KIAA0040: variants seen among roughly 807,000 people sequenced by gnomAD.
The protein encoded by KIAA0040 is uncharacterized protein KIAA0040.
A neutral mutation model predicts 7.2 loss-of-function variants in KIAA0040; 10 were observed. The observed-to-expected ratio is 1.38, with a 90% CI of 0.85 to 2.34. The LOEUF (loss-of-function observed/expected upper bound fraction) is 2.34, where lower values mean the gene tolerates loss of function less well. Ranked by LOEUF, KIAA0040 falls within the 30% of genes most tolerant of loss-of-function variation. The probability of loss-of-function intolerance (pLI) is 0.00; values close to 1 mark genes in which losing one functional copy is unlikely to be tolerated. For synonymous variants in KIAA0040, 49 were observed against 40.1 expected (o/e 1.22, Z -0.84); for missense variants, 89 against 108.2 (o/e 0.82, Z 0.79).
At position 175,174,978 on chromosome 1, in the gene KIAA0040, G is replaced by A. The variant is rs370971068; in HGVS notation, c.-310+2633C>T. On this transcript the variant is annotated intron_variant, in intron 2 of 3. Coordinates refer to ENST00000423313, the MANE Select transcript of KIAA0040 (RefSeq NM_014656.3). ...CCAATGTTTGTGGGTGTGGTAAAGTGTTTAGGTGAAGTTTTGTTTTTGGAG... is the reference window on the plus strand; with the variant it reads ...CCAATGTTTGTGGGTGTGGTAAAGTATTTAGGTGAAGTTTTGTTTTTGGAG... Among the ~76,000 whole-genome samples the A allele has an allele frequency of 5.7e-4, 87 of 152,286 alleles. 1 individual carries two copies. The highest frequency in any genetic ancestry group is 2.0e-3 in the African/African-American group (84 of 41,554).
At chr1:175,179,316 A>T (rs575939898) in intron 1 of KIAA0040, among the ~76,000 whole-genome samples, 17 of 152,124 alleles carry the variant, frequency 1.1e-4, no homozygotes, top group Non-Finnish European at 2.4e-4. Flanking sequence ...TTCAGTGGCC[A>T]CATTCTTTTA....
intron 1 of KIAA0040, among the ~76,000 whole-genome samples, chr1:175,187,663 T>C (rs1281445641): frequency 6.6e-6 from 1 of 152,178 alleles, no homozygotes; most frequent in Admixed American, 6.5e-5. Context: ...TACTATTCTG[T>C]TCCCATAACA....
intron 2 of KIAA0040, among the ~76,000 whole-genome samples, chr1:175,173,193 A>G (rs550258542): frequency 2.6e-5 from 4 of 152,048 alleles, no homozygotes; most frequent in Admixed American, 1.3e-4. Flanking sequence ...ATCACTATCA[A>G]TTTTCTCCTC....
chr1:175,177,835 C>T (rs916030995), intron 1 of KIAA0040, among the ~76,000 whole-genome samples, 151 bp from the exon 2 acceptor site: 1 of 152,196 alleles, frequency 6.6e-6, no homozygotes, highest in African/African-American at 2.4e-5. Context: ...ATTAAACCAA[C>T]AACTGGAAGT....
Position 175,160,654 on chromosome 1 carries a change from C to A in KIAA0040, c.*60G>T. On this transcript the variant is annotated 3_prime_UTR_variant, in exon 4 of 4. Transcript: ENST00000423313. Reference sequence around the variant, plus strand: ...ATTATTTCAGGGGTTCCTGAAATGTCTGTGTGTGGTCAGAAGGAGGCTTAG... The same window carrying A: ...ATTATTTCAGGGGTTCCTGAAATGTATGTGTGTGGTCAGAAGGAGGCTTAG... 7.0e-7 allele frequency: 1 copy of A among 1,432,836 alleles called. No individual in the cohort carries two copies. Among genetic ancestry groups the A allele is most frequent in the Non-Finnish European group, 9.3e-7 (1 of 1,075,034 alleles). The allele number at this position is 1,432,836 out of a possible 1,614,324, so 88.8% of individuals were successfully genotyped here.
chr1:175,188,462 T>C (rs1375859313), intron 1 of KIAA0040, among the ~76,000 whole-genome samples: 4 of 152,182 alleles, frequency 2.6e-5, no homozygotes, highest in Non-Finnish European at 4.4e-5. Context: ...ACTGTCTTTA[T>C]CTCCCTTACT....
intron 3 of KIAA0040, among the ~76,000 whole-genome samples, chr1:175,162,904 A>G (rs1191723643): frequency 6.6e-6 from 1 of 152,246 alleles, no homozygotes; most frequent in African/African-American, 2.4e-5. Context: ...TAGGATGACA[A>G]TAATAATTGT....
intron 2 of KIAA0040, among the ~76,000 whole-genome samples, chr1:175,170,953 C>T (rs1676968211): frequency 6.6e-6 from 1 of 152,184 alleles, no homozygotes; most frequent in Non-Finnish European, 1.5e-5. Flanking sequence ...GCCCCTGCCT[C>T]CTTCTGGACC....
At chr1:175,182,866 C>T (rs1677492643) in intron 1 of KIAA0040, among the ~76,000 whole-genome samples, 1 of 152,212 alleles carries the variant, frequency 6.6e-6, no homozygotes, top group Non-Finnish European at 1.5e-5. Context: ...ATGTTGGCTT[C>T]ACCTGTCAGG....
intron 3 of KIAA0040, among the ~76,000 whole-genome samples, chr1:175,164,379 T>A (rs989163390): frequency 6.6e-6 from 1 of 152,212 alleles, no homozygotes; most frequent in African/African-American, 2.4e-5. Flanking sequence ...GGGGAGTTAT[T>A]ACTATTGATA....
chr1:175,157,037 C>T lies in KIAA0040; in HGVS notation c.*3677G>A, dbSNP rs1421928531. 3 of 150,958 alleles carry T rather than the reference C, an allele frequency of 2.0e-5. No homozygotes were observed. The highest frequency in any genetic ancestry group is 2.0e-4 in the Admixed American group (3 of 15,154). The allele number at this position is 150,958 out of a possible 1,614,324, so 9.4% of individuals were successfully genotyped here. On this transcript the variant is annotated 3_prime_UTR_variant, in exon 4 of 4. Transcript: ENST00000423313. The stretch of plus-strand genomic sequence containing the variant: ...TCATTGCAATGAATTTAAATAGTCA[C>T]ATGTGGCTATTGGTACCATATTGAA...
intron 2 of KIAA0040, 122 bp from the exon 3 acceptor site, chr1:175,166,859 GA>G (rs1676784628): frequency 6.6e-6 from 1 of 152,390 alleles, no homozygotes; most frequent in South Asian, 2.1e-4. Context: ...GGAGAAGGTT[GA>G]GGGAAGGCAA....
chr1:175,171,792 A>G (rs1043678362), intron 2 of KIAA0040, among the ~76,000 whole-genome samples: 2 of 152,186 alleles, frequency 1.3e-5, no homozygotes, highest in Non-Finnish European at 2.9e-5. Context: ...TTCTTTCCTA[A>G]TTACTATATG....
In KIAA0040 at chr1:175,160,841, C is replaced by T. The variant is rs1052512125; in HGVS notation, c.173G>A (p.Arg58Lys). Residue 58 changes from arginine (R) to lysine (K), a missense_variant, in exon 4 of 4, where the codon AGG (arginine) becomes AAG (lysine). Arg to Lys is a conservative substitution (Grantham distance 26). Transcript: ENST00000423313. Reference protein sequence around the residue: ...CHCCWSPPGKRGQQPEKNKKK... With the variant: ...CHCCWSPPGKKGQQPEKNKKK... ...CTTGTTCTTCTCTGGCTGCTGGCCC[C>T]TCTTGCCTGGTGGGCTCCAGCAGCA... 8.4e-6 allele frequency: 13 copies of T among 1,551,130 alleles called. No homozygotes were observed. In the African/African-American group the frequency reaches 1.8e-4, roughly 21 times the overall value.
chr1:175,189,197 A>G (rs922726547), intron 1 of KIAA0040, among the ~76,000 whole-genome samples: 1 of 152,196 alleles, frequency 6.6e-6, no homozygotes, highest in Non-Finnish European at 1.5e-5. Context: ...TGACGTTGGC[A>G]TAACATTCCA....
At chr1:175,168,976 A>G (rs1434195421) in intron 2 of KIAA0040, among the ~76,000 whole-genome samples, 4 of 152,272 alleles carry the variant, frequency 2.6e-5, no homozygotes. Context: ...GGACTCCAAG[A>G]GCCCTGGGGA....
intron 1 of KIAA0040, among the ~76,000 whole-genome samples, chr1:175,182,069 G>A (rs1259931009): frequency 6.6e-6 from 1 of 152,212 alleles, no homozygotes; most frequent in African/African-American, 2.4e-5. Context: ...CTGGCCGTAG[G>A]AGGAGGCTGC....
At chr1:175,186,800 T>C (rs552824550) in intron 1 of KIAA0040, among the ~76,000 whole-genome samples, 22 of 152,364 alleles carry the variant, frequency 1.4e-4, no homozygotes, top group Admixed American at 1.2e-3. Flanking sequence ...GATCTGAGTT[T>C]CTAATTTGGA....
At chr1:175,182,565 C>A (rs916874934) in intron 1 of KIAA0040, among the ~76,000 whole-genome samples, 1 of 152,196 alleles carries the variant, frequency 6.6e-6, no homozygotes, top group Non-Finnish European at 1.5e-5. Flanking sequence ...GCCCAGGAGG[C>A]AGCTGCCACC....
Sources: allele counts gnomAD v4.1 joint callset (sites outside exome capture counted in the v4.1 genomes callset), GRCh38; gene constraint gnomAD v4.1.1; transcripts MANE v1.5; gene names NCBI Gene and HGNC (gene_info 2026-07-23, HGNC 2026-07-21).